The following COMMD1 variants were observed in gnomAD, a reference collection of about 807,000 sequenced individuals.
COMMD1 encodes copper metabolism domain containing 1.
A neutral mutation model predicts 17.2 loss-of-function variants in COMMD1; 10 were observed. The ratio of observed to expected loss-of-function variants is 0.58; its 90% CI spans 0.36 to 0.99. The LOEUF is 0.99. Among genes scored for constraint, COMMD1 ranks in the 50% least tolerant of loss-of-function variants. The pLI, the probability that COMMD1 is intolerant of heterozygous loss-of-function variation, is 0.01. For synonymous variants in COMMD1, 97 were observed against 91.6 expected, an observed-to-expected ratio of 1.06 and a Z score of -0.34; for missense variants, 270 against 231.8, an observed-to-expected ratio of 1.17 and a Z score of -1.07.
chr2:62,090,915 A>G (rs1201550242), intron 2 of COMMD1: 1 of 152,250 alleles, frequency 6.6e-6, no homozygotes, highest in African/African-American at 2.4e-5. Context: ...CAGTTGGACA[A>G]CGGAGTACCT....
At chr2:61,915,074 G>C (rs1035944013) in intron 1 of COMMD1, among the ~76,000 whole-genome samples, 14 of 149,468 alleles carry the variant, frequency 9.4e-5, no homozygotes, top group African/African-American at 3.5e-4. Flanking sequence ...GCATGATCTC[G>C]GCTCACTGCA....
At chr2:61,904,524 A>C (rs1188790381), upstream of COMMD1, among the ~76,000 whole-genome samples, 1 of 152,206 alleles carries the variant, frequency 6.6e-6, no homozygotes, top group Non-Finnish European at 1.5e-5. Flanking sequence ...ATCAATTTGC[A>C]TTTGTAGAAG....
At chr2:62,060,472 T>G (rs935224601) in intron 2 of COMMD1, among the ~76,000 whole-genome samples, 1 of 152,246 alleles carries the variant, frequency 6.6e-6, no homozygotes, top group Non-Finnish European at 1.5e-5. Flanking sequence ...ATTTCAATAT[T>G]ATAACTTTTG....
At chr2:61,933,516 A>T (rs1670524137) in intron 1 of COMMD1, among the ~76,000 whole-genome samples, 2 of 151,930 alleles carry the variant, frequency 1.3e-5, no homozygotes, top group South Asian at 4.1e-4. Context: ...TTATGTATCA[A>T]TGTAGGGGTG....
At position 62,019,855 on chromosome 2, in the gene COMMD1, G is replaced by A. The variant is rs149443563; in HGVS notation, c.462+18873G>A. 1.1e-4 allele frequency among the ~76,000 whole-genome samples: 16 copies of A among 152,264 alleles called. No homozygotes were observed. The East Asian group carries it at 2.5e-3, about 24-fold the overall frequency. On this transcript the variant is annotated intron_variant, in intron 2 of 2. Coordinates refer to ENST00000311832, the MANE Select transcript of COMMD1 (RefSeq NM_152516.4). ...TTGTAGAAACAAGTCACTCCAGCCC[G>A]CACTCAAGAGGAGGGAAGATTGGCT...
chr2:62,057,001 C>A (rs1670722874), intron 2 of COMMD1, among the ~76,000 whole-genome samples: 5 of 152,160 alleles, frequency 3.3e-5, no homozygotes, highest in Admixed American at 2.6e-4. Context: ...GCAGTGACAG[C>A]AACCAAAACA....
chr2:61,961,961 G>T (rs1290246790), intron 1 of COMMD1, among the ~76,000 whole-genome samples: 1 of 151,986 alleles, frequency 6.6e-6, no homozygotes, highest in Non-Finnish European at 1.5e-5. Context: ...AAAACTCCCT[G>T]AATTGTTTGT....
chr2:61,927,545 C>T (rs555320188), intron 1 of COMMD1, among the ~76,000 whole-genome samples: 52 of 152,108 alleles, frequency 3.4e-4, no homozygotes, highest in African/African-American at 1.0e-3. Flanking sequence ...GATGCCCGCC[C>T]GCCACCATGC....
intron 2 of COMMD1, among the ~76,000 whole-genome samples, chr2:62,006,052 G>T (rs1003918137): frequency 5.9e-5 from 9 of 151,672 alleles, no homozygotes; most frequent in Admixed American, 1.3e-4. Context: ...GTAGGGACAT[G>T]GATGAAATTG....
intron 1 of COMMD1, among the ~76,000 whole-genome samples, chr2:61,977,431 A>G (rs115646557): frequency 0.012 from 1,829 of 150,554 alleles, 42 homozygotes; most frequent in African/African-American, 0.043. Context: ...TTTAGCATAG[A>G]TGGGGTTTCT....
At chr2:62,129,979 T>G (rs1255818278) in intron 2 of COMMD1, among the ~76,000 whole-genome samples, 1 of 152,054 alleles carries the variant, frequency 6.6e-6, no homozygotes, top group African/African-American at 2.4e-5. Context: ...ATCGAGATCA[T>G]CCTGGCTAAC....
upstream of COMMD1, among the ~76,000 whole-genome samples, chr2:61,902,799 C>T (rs11685130): frequency 0.064 from 9,731 of 152,116 alleles, 568 homozygotes; most frequent in African/African-American, 0.15. Context: ...GAGCCAACAT[C>T]GTGCCACTGC....
At chr2:61,963,399 C>G (rs569638615) in intron 1 of COMMD1, among the ~76,000 whole-genome samples, 3 of 151,998 alleles carry the variant, frequency 2.0e-5, no homozygotes, top group Admixed American at 6.6e-5. Context: ...CTCTGTTGTC[C>G]AGGCTGGAGT....
At chr2:62,090,078 C>CAATAGTT (rs1671784678) in intron 2 of COMMD1, among the ~76,000 whole-genome samples, 2 of 151,924 alleles carry the variant, frequency 1.3e-5, no homozygotes, top group Non-Finnish European at 2.9e-5. Flanking sequence ...GGAGTCAGGC[C>CAATAGTT]TAGGGTTTAG....
chr2:61,960,462 G>A (rs1252906420), intron 1 of COMMD1, among the ~76,000 whole-genome samples: 7 of 152,156 alleles, frequency 4.6e-5, no homozygotes, highest in Non-Finnish European at 1.0e-4. Flanking sequence ...GAGAACTGAA[G>A]CGATAGTTTC....
intron 2 of COMMD1, among the ~76,000 whole-genome samples, chr2:62,085,407 C>T (rs767046639): frequency 6.6e-6 from 1 of 151,874 alleles, no homozygotes; most frequent in Non-Finnish European, 1.5e-5. Context: ...TTAGTAGAGA[C>T]GGGGTTTCAC....
intron 2 of COMMD1, among the ~76,000 whole-genome samples, chr2:62,030,021 A>T (rs146252130): frequency 6.6e-6 from 1 of 152,282 alleles, no homozygotes; most frequent in Non-Finnish European, 1.5e-5. Context: ...ATGGACAGCC[A>T]TGTAGAAACA....
chr2:62,123,797 T>C (rs1333926040), intron 2 of COMMD1, among the ~76,000 whole-genome samples: 1 of 151,922 alleles, frequency 6.6e-6, no homozygotes, highest in Non-Finnish European at 1.5e-5. Context: ...GGTTCATTCT[T>C]CCTGGGAGAA....
intron 2 of COMMD1, among the ~76,000 whole-genome samples, chr2:62,036,688 C>T (rs1421422235): frequency 6.6e-6 from 1 of 152,126 alleles, no homozygotes; most frequent in Non-Finnish European, 1.5e-5. Context: ...TTCTAATGTT[C>T]GTGATGCTTT....
Sources: allele counts gnomAD v4.1 joint callset (sites outside exome capture counted in the v4.1 genomes callset), GRCh38; gene constraint gnomAD v4.1.1; transcripts MANE v1.5; gene names NCBI Gene and HGNC (gene_info 2026-07-23, HGNC 2026-07-21).